Variants in FANK1 observed in about 807,000 individuals in gnomAD.
FANK1 encodes fibronectin type III and ankyrin repeat domains 1.
Under a neutral mutation model 45.3 loss-of-function variants are expected in FANK1, and 44 were observed. The ratio of observed to expected loss-of-function variants is 0.97; its 90% CI spans 0.76 to 1.25. The LOEUF is 1.25. Ranked by LOEUF, FANK1 falls within the 50% of genes most tolerant of loss-of-function variation. The probability of loss-of-function intolerance (pLI) is 0.00; values close to 1 mark genes in which losing one functional copy is unlikely to be tolerated. For synonymous variants in FANK1, 149 were observed against 152.5 expected, an observed-to-expected ratio of 0.98 and a Z score of 0.17; for missense variants, 391 against 424.4, an observed-to-expected ratio of 0.92 and a Z score of 0.69.
intron 1 of FANK1, among the ~76,000 whole-genome samples, chr10:125,913,022 G>T (rs1020626780): frequency 6.6e-6 from 1 of 152,202 alleles, no homozygotes; most frequent in African/African-American, 2.4e-5. Flanking sequence ...ATGTATCATG[G>T]AAATACAAAT....
In FANK1 at chr10:125,935,095, TCTC is replaced by T. The variant is rs142534801; in HGVS notation, c.13+38446_13+38448del. Among the ~76,000 whole-genome samples the T allele has an allele frequency of 4.8e-3, 730 of 152,198 alleles. 8 individuals are homozygous for T. The highest frequency in any genetic ancestry group is 0.016 in the African/African-American group (663 of 41,540). ...ATCTCTCTGCTTGTTTCTCCAGACATCTCCTCCTACTCTGATAGAGACACCCTG... is the reference window on the plus strand; with the variant it reads ...ATCTCTCTGCTTGTTTCTCCAGACATCTCCTACTCTGATAGAGACACCCTG... On this transcript the variant is annotated intron_variant, in intron 1 of 10. Coordinates refer to ENST00000368693, the MANE Select transcript of FANK1 (RefSeq NM_145235.5).
intron 1 of FANK1, among the ~76,000 whole-genome samples, chr10:125,913,116 C>T (rs1202486149): frequency 6.6e-6 from 1 of 152,174 alleles, no homozygotes; most frequent in Non-Finnish European, 1.5e-5. Flanking sequence ...TGAATGAGGC[C>T]TTTTAAGGGA....
At chr10:125,990,096 C>G (rs371310286) in intron 3 of FANK1, among the ~76,000 whole-genome samples, 16 of 152,202 alleles carry the variant, frequency 1.1e-4, no homozygotes, top group African/African-American at 3.1e-4. Context: ...GCTTTCCCCT[C>G]CTCTGTCACA....
At chr10:125,960,330 A>G in intron 1 of FANK1, 1 of 246,564 alleles carries the variant, frequency 4.1e-6, no homozygotes. Flanking sequence ...AGAGACCTTG[A>G]TCCTCTCCAC....
intron 1 of FANK1, among the ~76,000 whole-genome samples, chr10:125,953,239 G>A (rs1394978043): frequency 6.6e-6 from 1 of 152,208 alleles, no homozygotes; most frequent in Non-Finnish European, 1.5e-5. Flanking sequence ...GAGAGGGCTT[G>A]TGAAGGCCCC....
intron 6 of FANK1, among the ~76,000 whole-genome samples, chr10:126,003,674 ATTTATTTTT>A (rs1564971396): frequency 1.0e-5 from 1 of 96,016 alleles, no homozygotes. Flanking sequence ...TTTATTTTTT[ATTTATTTTT>A]TTTATTTTTT....
At position 125,962,585 on chromosome 10, in the gene FANK1, C is replaced by T. The variant is rs185048452; in HGVS notation, c.14-17576C>T. 1.5e-3 allele frequency among the ~76,000 whole-genome samples: 227 copies of T among 151,982 alleles called. 2 individuals are homozygous for T. The highest frequency in any genetic ancestry group is 4.8e-3 in the African/African-American group (199 of 41,446). ...TTCATTGATTGATACAGTTTTCTGCCGAGTATAACCTGCTGTTAATTCCAT... is the reference window on the plus strand; with the variant it reads ...TTCATTGATTGATACAGTTTTCTGCTGAGTATAACCTGCTGTTAATTCCAT... On this transcript the variant is annotated intron_variant, in intron 1 of 10. Transcript: ENST00000368693.
chr10:125,974,086 C>G (rs755719763), intron 1 of FANK1, among the ~76,000 whole-genome samples: 1 of 152,214 alleles, frequency 6.6e-6, no homozygotes, highest in African/African-American at 2.4e-5. Context: ...TCACAAAACA[C>G]TTTGTGGTAT....
chr10:125,933,394 T>C (rs1300803707), intron 1 of FANK1, among the ~76,000 whole-genome samples: 1 of 152,184 alleles, frequency 6.6e-6, no homozygotes, highest in African/African-American at 2.4e-5. Context: ...TTTATCCGTC[T>C]TTTCTAGGTT....
intron 2 of FANK1, among the ~76,000 whole-genome samples, chr10:125,986,669 C>T (rs1044878354): frequency 6.6e-6 from 1 of 152,170 alleles, no homozygotes; most frequent in African/African-American, 2.4e-5. Flanking sequence ...GCCTGTCTGT[C>T]ATGGAAGTCC....
At chr10:125,920,039 A>G (rs1946834047) in intron 1 of FANK1, among the ~76,000 whole-genome samples, 1 of 152,184 alleles carries the variant, frequency 6.6e-6, no homozygotes, top group Non-Finnish European at 1.5e-5. Flanking sequence ...GGCCCTGTCT[A>G]ATAATACAGA....
intron 1 of FANK1, among the ~76,000 whole-genome samples, chr10:125,908,393 A>G (rs112192373): frequency 6.6e-6 from 1 of 152,360 alleles, no homozygotes; most frequent in African/African-American, 2.4e-5. Flanking sequence ...AAAATGTGGT[A>G]TATATGTACC....
At chr10:126,009,002 T>C in intron 8 of FANK1, 52 bp from the exon 9 acceptor site, 1 of 1,563,706 alleles carries the variant, frequency 6.4e-7, no homozygotes, top group Non-Finnish European at 8.8e-7. Context: ...CCCTGCTGTG[T>C]GTGCCCTGGA....
At chr10:125,948,091 A>G (rs1948940341) in intron 1 of FANK1, among the ~76,000 whole-genome samples, 1 of 149,206 alleles carries the variant, frequency 6.7e-6, no homozygotes, top group Non-Finnish European at 1.5e-5. Context: ...AACATACCAG[A>G]ATCTCTGGGA....
intron 1 of FANK1, among the ~76,000 whole-genome samples, chr10:125,928,260 C>CT (rs1947505996): frequency 5.6e-5 from 4 of 71,226 alleles, no homozygotes; most frequent in Non-Finnish European, 1.0e-4. Context: ...ATTATTCGTG[C>CT]CTTTTTTTTT....
intron 1 of FANK1, among the ~76,000 whole-genome samples, chr10:125,955,237 A>G (rs1949504488): frequency 6.6e-6 from 1 of 151,882 alleles, no homozygotes; most frequent in African/African-American, 2.4e-5. Context: ...TCCATTAGCT[A>G]TTCTTCCTGA....
chr10:125,938,697 T>C (rs1948257845), intron 1 of FANK1, among the ~76,000 whole-genome samples: 1 of 152,058 alleles, frequency 6.6e-6, no homozygotes, highest in Non-Finnish European at 1.5e-5. Context: ...TAGTCCTGGC[T>C]ACTTGGGAGG....
intron 7 of FANK1, among the ~76,000 whole-genome samples, chr10:126,005,379 T>C (rs891948858): frequency 8.0e-5 from 12 of 150,836 alleles, no homozygotes; most frequent in Non-Finnish European, 1.5e-4. Flanking sequence ...GCGATCTCGG[T>C]TCATTGAGGC....
At chr10:125,901,373 A>AT (rs1945021216) in intron 1 of FANK1, among the ~76,000 whole-genome samples, 1 of 152,212 alleles carries the variant, frequency 6.6e-6, no homozygotes, top group Admixed American at 6.5e-5. Flanking sequence ...CCAAGCTACC[A>AT]TGCCGTGTAA....
Sources: allele counts gnomAD v4.1 joint callset (sites outside exome capture counted in the v4.1 genomes callset), GRCh38; gene constraint gnomAD v4.1.1; transcripts MANE v1.5; gene names NCBI Gene and HGNC (gene_info 2026-07-23, HGNC 2026-07-21).